Variants in TRPM3 observed in about 807,000 individuals in gnomAD.
The protein encoded by TRPM3 is long transient receptor potential channel 3.
TRPM3 carries 77 observed loss-of-function variants against 181.2 expected under a neutral mutation model. The ratio of observed to expected loss-of-function variants is 0.42; its 90% confidence interval spans 0.35 to 0.51. The LOEUF (loss-of-function observed/expected upper bound fraction) is 0.51. TRPM3 is among the 20% of genes least tolerant of loss of function. TRPM3 has a pLI of 0.01. For synonymous variants in TRPM3, 745 were observed against 796.4 expected, an observed-to-expected ratio of 0.94 and a Z score of 1.09; for missense variants, 1,759 against 2,196.7, an observed-to-expected ratio of 0.80 and a Z score of 3.98.
intron 5 of TRPM3, among the ~76,000 whole-genome samples, chr9:70,836,491 T>C (rs919429260): frequency 2.0e-5 from 3 of 152,226 alleles, no homozygotes; most frequent in African/African-American, 7.2e-5. Context: ...CTTTGACCAG[T>C]AATGCCAGTG....
At chr9:70,823,164 G>A (rs923440513) in intron 6 of TRPM3, among the ~76,000 whole-genome samples, 3 of 151,716 alleles carry the variant, frequency 2.0e-5, no homozygotes, top group Non-Finnish European at 4.4e-5. Flanking sequence ...ACACACACAC[G>A]CAAAATCCAA....
At chr9:71,336,180 A>G (rs981917282) in intron 1 of TRPM3, among the ~76,000 whole-genome samples, 10 of 128,766 alleles carry the variant, frequency 7.8e-5, no homozygotes, top group Admixed American at 2.3e-4. Flanking sequence ...AAACTGTCCG[A>G]AAAAAAAAAA....
intron 1 of TRPM3, among the ~76,000 whole-genome samples, chr9:70,981,042 G>T (rs914036611): frequency 1.3e-5 from 2 of 152,164 alleles, no homozygotes; most frequent in African/African-American, 4.8e-5. Flanking sequence ...TGATGGGGAA[G>T]CTCGAGTCAC....
At chr9:71,015,311 T>C (rs1317231611) in intron 1 of TRPM3, among the ~76,000 whole-genome samples, 1 of 152,210 alleles carries the variant, frequency 6.6e-6, no homozygotes, top group Non-Finnish European at 1.5e-5. Context: ...CCTTGTACCT[T>C]GGTAGCTACT....
intron 1 of TRPM3, among the ~76,000 whole-genome samples, chr9:71,271,197 C>A (rs1206485423): frequency 6.6e-6 from 1 of 152,170 alleles, no homozygotes; most frequent in Admixed American, 6.5e-5. Context: ...GCAAACGAAC[C>A]TACCCTGTCA....
chr9:70,908,282 T>A (rs111393600), intron 1 of TRPM3, among the ~76,000 whole-genome samples: 73 of 152,338 alleles, frequency 4.8e-4, no homozygotes, highest in African/African-American at 1.6e-3. Flanking sequence ...AGAACATAAT[T>A]GCTACAGATA....
intron 1 of TRPM3, among the ~76,000 whole-genome samples, chr9:71,136,369 G>T (rs1204193004): frequency 1.3e-5 from 2 of 152,194 alleles, no homozygotes; most frequent in East Asian, 3.9e-4. Flanking sequence ...CAGTTATTCA[G>T]CTCTGACATC....
At chr9:70,784,515 G>C (rs1176582904) in intron 6 of TRPM3, among the ~76,000 whole-genome samples, 2 of 152,106 alleles carry the variant, frequency 1.3e-5, no homozygotes, top group East Asian at 3.9e-4. Flanking sequence ...CAGGATGCTG[G>C]GGTCAGTGAA....
At chr9:71,436,313 T>G (rs2094036618) in intron 1 of TRPM3, among the ~76,000 whole-genome samples, 1 of 145,524 alleles carries the variant, frequency 6.9e-6, no homozygotes, top group Non-Finnish European at 1.5e-5. Context: ...TTTTTTTTTT[T>G]TTTTTTTGAG....
At chr9:71,063,769 G>GC (rs1472341191) in intron 1 of TRPM3, among the ~76,000 whole-genome samples, 2 of 152,074 alleles carry the variant, frequency 1.3e-5, no homozygotes, top group Non-Finnish European at 2.9e-5. Context: ...AAAAAGACTG[G>GC]CATTCCTCTT....
At chr9:70,619,325 A>G (rs1016673950) in intron 16 of TRPM3, among the ~76,000 whole-genome samples, 18 of 151,366 alleles carry the variant, frequency 1.2e-4, no homozygotes, top group African/African-American at 4.4e-4. Context: ...TGATCTCTGT[A>G]CTCAGGCCCT....
intron 11 of TRPM3, among the ~76,000 whole-genome samples, chr9:70,635,462 ATTTTT>A (rs71505401): frequency 8.0e-5 from 9 of 113,114 alleles, no homozygotes; most frequent in South Asian, 6.2e-4. Context: ...TTTGTCAGTG[ATTTTT>A]TTTTTTTTTT....
chr9:70,990,430 C>G (rs1225586243), intron 1 of TRPM3, among the ~76,000 whole-genome samples: 1 of 152,104 alleles, frequency 6.6e-6, no homozygotes, highest in Non-Finnish European at 1.5e-5. Context: ...GTAAAACAAA[C>G]AGTACAGTTT....
rs953343673 is a variant in TRPM3 at position 71,269,147 on chromosome 9, T to C, written c.183+177506A>G. On this transcript the variant is annotated intron_variant, in intron 1 of 24. Coordinates refer to the TRPM3 transcript ENST00000357533. ...ACTTTGAATAATAATAAGAACAATG[T>C]TTAGTACAATCATTTCTGAAGAGCT... Among the ~76,000 whole-genome samples the C allele has an allele frequency of 3.3e-5, 5 of 152,300 alleles. No homozygotes were observed. In the East Asian group the frequency reaches 9.7e-4, roughly 29 times the overall value.
At chr9:70,982,098 C>T (rs973515498) in intron 1 of TRPM3, among the ~76,000 whole-genome samples, 1 of 152,202 alleles carries the variant, frequency 6.6e-6, no homozygotes, top group Non-Finnish European at 1.5e-5. Flanking sequence ...TATCTACTCT[C>T]CAAAACCAAT....
chr9:70,960,653 T>C (rs62543204), intron 1 of TRPM3, among the ~76,000 whole-genome samples: 24,335 of 152,160 alleles, frequency 0.16, 2,449 homozygotes, highest in East Asian at 0.3. Flanking sequence ...AATATCCACA[T>C]AAAACAAGCT....
intron 7 of TRPM3, among the ~76,000 whole-genome samples, chr9:70,781,682 T>C (rs2082496707): frequency 6.6e-6 from 1 of 152,236 alleles, no homozygotes; most frequent in Admixed American, 6.5e-5. Context: ...GCCTGGGATC[T>C]TGGGCTGTGT....
intron 1 of TRPM3, among the ~76,000 whole-genome samples, chr9:70,928,194 T>A (rs2096740588): frequency 6.6e-6 from 1 of 152,216 alleles, no homozygotes; most frequent in African/African-American, 2.4e-5. Flanking sequence ...GGACCTTTAA[T>A]ATCTTGGAGT....
chr9:71,438,745 G>C (rs1675977515), intron 1 of TRPM3, among the ~76,000 whole-genome samples: 1 of 152,148 alleles, frequency 6.6e-6, no homozygotes, highest in African/African-American at 2.4e-5. Context: ...CCTAAGACTT[G>C]CTTACAAATA....
Sources: allele counts gnomAD v4.1 joint callset (sites outside exome capture counted in the v4.1 genomes callset), GRCh38; gene constraint gnomAD v4.1.1; transcripts MANE v1.5; gene names NCBI Gene and HGNC (gene_info 2026-07-23, HGNC 2026-07-21).